The following MECOM variants were observed in gnomAD, a reference collection of about 807,000 sequenced individuals.
The protein encoded by MECOM is histone-lysine N-methyltransferase MECOM.
Under a neutral mutation model 116.3 loss-of-function variants are expected in MECOM, and 13 were observed. The observed-to-expected ratio is 0.11, with a 90% CI of 0.07 to 0.18. MECOM has a LOEUF of 0.18. MECOM is among the 10% of genes least tolerant of loss of function. MECOM has a pLI of 1.00. For synonymous variants in MECOM, 528 were observed against 535.2 expected, an observed-to-expected ratio of 0.99 and a Z score of 0.19; for missense variants, 1,299 against 1,509.0, an observed-to-expected ratio of 0.86 and a Z score of 2.31.
chr3:169,655,368 G>A (rs1775418022), intron 1 of MECOM, among the ~76,000 whole-genome samples: 1 of 152,180 alleles, frequency 6.6e-6, no homozygotes, highest in South Asian at 2.1e-4. Flanking sequence ...TTCATTTAAA[G>A]AGGAGCAACC....
At chr3:169,485,987 A>ATAG (rs1752266360) in intron 1 of MECOM, among the ~76,000 whole-genome samples, 1 of 92,660 alleles carries the variant, frequency 1.1e-5, no homozygotes, top group Non-Finnish European at 2.0e-5. Context: ...TATATATAGT[A>ATAG]TATATATGTA....
At position 169,207,502 on chromosome 3, in the gene MECOM, C is replaced by G. The variant is rs920319640; in HGVS notation, c.376-63670G>C. Among the ~76,000 whole-genome samples, 9 of 152,200 alleles carry G rather than the reference C, an allele frequency of 5.9e-5. No individual in the cohort carries two copies. The South Asian group carries it at 1.7e-3, about 28-fold the overall frequency. On this transcript the variant is annotated intron_variant, in intron 2 of 16. Transcript: ENST00000651503. ...GATCATCTAAAATTTTACTGGATAG[C>G]AAGGTCTTTTATTTGCTTTCAGAAT...
intron 1 of MECOM, among the ~76,000 whole-genome samples, chr3:169,627,750 C>A (rs1236161041): frequency 1.3e-5 from 2 of 152,192 alleles, no homozygotes; most frequent in Non-Finnish European, 2.9e-5. Flanking sequence ...CTATTTTAGA[C>A]TAGCCTTTGT....
intron 1 of MECOM, among the ~76,000 whole-genome samples, chr3:169,545,711 C>T (rs988695659): frequency 6.6e-6 from 1 of 152,182 alleles, no homozygotes; most frequent in Non-Finnish European, 1.5e-5. Flanking sequence ...ATGAGTGCCA[C>T]TCTGCCTGAG....
chr3:169,239,044 C>T (rs1166520484), intron 2 of MECOM, among the ~76,000 whole-genome samples: 1 of 152,044 alleles, frequency 6.6e-6, no homozygotes, highest in Admixed American at 6.5e-5. Flanking sequence ...ATAATTCTTG[C>T]TTTTTATGGG....
chr3:169,135,739 CTATGAAGCAATATTTGTGCCTTTGTAAG>C (rs775697166), intron 3 of MECOM, among the ~76,000 whole-genome samples: 48 of 151,684 alleles, frequency 3.2e-4, no homozygotes, highest in Non-Finnish European at 5.5e-4. Flanking sequence ...TTTTATTTTT[CTATGAAGCAATATTTGTGCCTTTGTAAG>C]TATGAATATT....
At position 169,115,572 on chromosome 3, in the gene MECOM, G is replaced by C; in HGVS notation, c.2300C>G (p.Thr767Arg). The change falls in exon 8 of 17, where the codon ACA becomes AGA. Residue 767 changes from threonine (T) to arginine (R), a missense_variant. Transcript: ENST00000651503. ...VPSKPPVTPA[T>R]SQDQPLDLSM... ...TAGATCCAGGGGCTGGTCTTGGCTT[G>C]TGGCAGGTGTCACTGGAGGCTTGGA... 2 of 1,614,080 alleles carry C rather than the reference G, an allele frequency of 1.2e-6. No homozygotes were observed. The highest frequency in any genetic ancestry group is 1.7e-6 in the Non-Finnish European group (2 of 1,180,014).
intron 2 of MECOM, among the ~76,000 whole-genome samples, chr3:169,198,848 G>A (rs147858770): frequency 3.6e-4 from 55 of 151,900 alleles, no homozygotes; most frequent in African/African-American, 1.2e-3. Flanking sequence ...AGTGTGCTAC[G>A]GTAACAAATA....
chr3:169,392,173 C>T (rs1734314089), intron 1 of MECOM, among the ~76,000 whole-genome samples: 1 of 152,122 alleles, frequency 6.6e-6, no homozygotes, highest in African/African-American at 2.4e-5. Context: ...TTTAAGCTAC[C>T]CATTATATCA....
intron 2 of MECOM, among the ~76,000 whole-genome samples, chr3:169,352,367 T>C (rs990296014): frequency 2.0e-5 from 3 of 151,914 alleles, no homozygotes; most frequent in Non-Finnish European, 2.9e-5. Context: ...GGGCTAGGTA[T>C]CTACAAGTGG....
At chr3:169,413,504 AC>A (rs1737962224) in intron 1 of MECOM, among the ~76,000 whole-genome samples, 1 of 131,868 alleles carries the variant, frequency 7.6e-6, no homozygotes, top group Non-Finnish European at 1.6e-5. Flanking sequence ...TTTTTTTTGT[AC>A]CCAAGTGGCA....
intron 1 of MECOM, among the ~76,000 whole-genome samples, chr3:169,482,822 A>G (rs931202464): frequency 7.2e-5 from 11 of 152,338 alleles, no homozygotes; most frequent in Admixed American, 3.3e-4. Flanking sequence ...TTAGCTCTCA[A>G]TGACCGAAAC....
intron 1 of MECOM, among the ~76,000 whole-genome samples, chr3:169,547,943 G>A (rs1760928836): frequency 1.3e-5 from 2 of 152,064 alleles, no homozygotes; most frequent in South Asian, 4.1e-4. Context: ...CCTCCAGGAG[G>A]GAACAAACTC....
rs76712635 is a variant in MECOM, at chr3:169,613,043, T to C, written c.37+50293A>G. On this transcript the variant is annotated intron_variant, in intron 1 of 16. Transcript: ENST00000651503. ...AGGACCAAATCCAGCAAACAAGAGA[T>C]TACATCAAAGTTAAATTGTTTACAT... Among the ~76,000 whole-genome samples, 1,004 of 152,260 alleles carry C rather than the reference T, an allele frequency of 6.6e-3. 10 individuals carry two copies. Among genetic ancestry groups the C allele is most frequent in the African/African-American group, 0.023 (939 of 41,532 alleles).
At chr3:169,451,233 A>G (rs1211991936) in intron 1 of MECOM, among the ~76,000 whole-genome samples, 2 of 148,230 alleles carry the variant, frequency 1.3e-5, no homozygotes, top group Non-Finnish European at 3.0e-5. Flanking sequence ...TCTCTCATTT[A>G]GACTTTATTT....
intron 1 of MECOM, among the ~76,000 whole-genome samples, chr3:169,643,869 C>G (rs962660658): frequency 1.3e-5 from 2 of 152,176 alleles, no homozygotes; most frequent in African/African-American, 4.8e-5. Flanking sequence ...AAAGATGTCT[C>G]TCAACTAGAG....
At chr3:169,251,936 GATAA>G (rs1756291157) in intron 2 of MECOM, among the ~76,000 whole-genome samples, 1 of 152,106 alleles carries the variant, frequency 6.6e-6, no homozygotes, top group Non-Finnish European at 1.5e-5. Flanking sequence ...GTAATATACA[GATAA>G]TACAAACATG....
At chr3:169,553,566 G>A (rs1761662589) in intron 1 of MECOM, among the ~76,000 whole-genome samples, 1 of 152,196 alleles carries the variant, frequency 6.6e-6, no homozygotes, top group Non-Finnish European at 1.5e-5. Context: ...CTTTTCCTGG[G>A]CTCATAGGTA....
At chr3:169,181,007 TCTTA>T (rs1745898456) in intron 2 of MECOM, among the ~76,000 whole-genome samples, 1 of 151,978 alleles carries the variant, frequency 6.6e-6, no homozygotes, top group African/African-American at 2.4e-5. Flanking sequence ...TTTGCTGAGC[TCTTA>T]CTATGTGTGA....
Sources: gnomAD v4.1 joint callset for allele counts (sites outside exome capture counted in the v4.1 genomes callset) on GRCh38, gnomAD v4.1.1 for gene constraint, MANE v1.5 for transcripts, NCBI Gene and HGNC (gene_info 2026-07-23, HGNC 2026-07-21) for gene names.